Variants in PLXND1 observed in about 807,000 individuals in gnomAD.
PLXND1 encodes plexin-D1.
PLXND1 carries 54 observed loss-of-function variants against 197.7 expected under a neutral mutation model. The observed-to-expected ratio is 0.27, with a 90% CI of 0.22 to 0.34. The LOEUF (loss-of-function observed/expected upper bound fraction) is 0.34. Ranked by LOEUF, PLXND1 falls within the 10% of genes least tolerant of loss-of-function variation. The probability of loss-of-function intolerance (pLI) is 1.00; values close to 1 mark genes in which losing one functional copy is unlikely to be tolerated. For synonymous variants in PLXND1, 1,180 were observed against 1,161.2 expected, an observed-to-expected ratio of 1.02 and a Z score of -0.33; for missense variants, 2,127 against 2,699.2, an observed-to-expected ratio of 0.79 and a Z score of 4.70.
chr3:129,555,218 T>G lies in PLXND1; in HGVS notation c.*1094A>C. On this transcript the variant is annotated 3_prime_UTR_variant, in exon 36 of 36. Coordinates refer to ENST00000324093, the MANE Select transcript of PLXND1 (RefSeq NM_015103.3). Reference sequence around the variant, plus strand: ...GACAAAGGCTGGAGCCCACAGTAGGTTTGTCCGTAAGGCTTTTATTATAAA... The same window carrying G: ...GACAAAGGCTGGAGCCCACAGTAGGGTTGTCCGTAAGGCTTTTATTATAAA... 1 of 382,142 alleles carries G rather than the reference T, an allele frequency of 2.6e-6. No individual in the cohort carries two copies. Among genetic ancestry groups the G allele is most frequent in the Non-Finnish European group, 4.7e-6 (1 of 214,722 alleles). The allele number at this position is 382,142 out of a possible 1,614,324, so 23.7% of individuals were successfully genotyped here. A position where few individuals can be genotyped will look rare whatever the true frequency, so the allele number is the denominator to read the frequency against.
In PLXND1 at chr3:129,574,348, G is replaced by T; in HGVS notation, c.2673C>A (p.Pro891=). ...TGGGCATGCTTACCGCGTGGATCTC[G>T]GGGGCGGGGCAGGTGCCAGCCATGG... The part of the protein sequence containing the change: ...LQPMAGTCPA[P]EIHAIEPLSG... Residue 891 remains proline (P), a synonymous_variant, in exon 12 of 36, where the codon CCC becomes CCA. Coordinates refer to ENST00000324093, the MANE Select transcript of PLXND1 (RefSeq NM_015103.3). 1 of 1,604,294 alleles carries T rather than the reference G, an allele frequency of 6.2e-7. No homozygotes were observed. The highest frequency in any genetic ancestry group is 2.3e-5 in the East Asian group (1 of 44,424).
At chr3:129,556,771 C>T in intron 34 of PLXND1, 80 bp from the exon 35 acceptor site, 1 of 1,017,446 alleles carries the variant, frequency 9.8e-7, no homozygotes, top group Non-Finnish European at 1.5e-6. Context: ...GCTGCTTGCA[C>T]ACAATCCCCA....
intron 29 of PLXND1, 92 bp downstream of exon 29, chr3:129,561,554 C>CA: frequency 1.0e-6 from 1 of 986,676 alleles, no homozygotes; most frequent in Admixed American, 2.1e-5. Context: ...CCAGCCCTGC[C>CA]TCTCGGAGCC....
At position 129,558,542 on chromosome 3, in the gene PLXND1, C is replaced by T. The variant is rs1432599989; in HGVS notation, c.5331G>A (p.Lys1777=). The change falls in exon 33 of 36, where the codon AAG becomes AAA. Residue 1777 remains lysine (K), a synonymous_variant. Coordinates refer to ENST00000324093, the MANE Select transcript of PLXND1 (RefSeq NM_015103.3). The surrounding 1 kb of genome is among the most constrained non-coding windows in gnomAD (Gnocchi z 4.1). ...CGATGTCAAAGACAAACTGGGGGTT[C>T]TTCAGGATGTTCACCCAGAACCGGA... ...LPLRFWVNIL[K]NPQFVFDIDK... 7 of 1,613,982 alleles carry T rather than the reference C, an allele frequency of 4.3e-6. No homozygotes were observed. Among genetic ancestry groups the T allele is most frequent in the Non-Finnish European group, 5.9e-6 (7 of 1,179,998 alleles).
intron 7 of PLXND1, 52 bp downstream of exon 7, chr3:129,584,073 G>A: frequency 1.7e-6 from 2 of 1,201,618 alleles, no homozygotes; most frequent in Non-Finnish European, 2.4e-6. Context: ...ACCCTTCCCG[G>A]GGATGCGTTC....
At chr3:129,584,588 G>T (rs762027955) in intron 5 of PLXND1, 26 bp from the exon 6 acceptor site, 3 of 1,581,400 alleles carry the variant, frequency 1.9e-6, no homozygotes, top group Non-Finnish European at 2.6e-6. Context: ...CCTCAGCTCT[G>T]GGGGTCCAGG....
intron 20 of PLXND1, chr3:129,569,510 T>C (rs1172362231): frequency 1.5e-5 from 4 of 272,182 alleles, no homozygotes; most frequent in African/African-American, 8.5e-5. Context: ...ACCAGACATG[T>C]AGGTTAATTT....
At chr3:129,566,352 C>A (rs911411433) in intron 23 of PLXND1, among the ~76,000 whole-genome samples, 175 bp downstream of exon 23, 2 of 150,690 alleles carry the variant, frequency 1.3e-5, no homozygotes, top group African/African-American at 4.9e-5. Flanking sequence ...CTTATAATAC[C>A]CTGAATGGCT....
intron 3 of PLXND1, 89 bp downstream of exon 3, chr3:129,586,499 C>A: frequency 6.8e-7 from 1 of 1,464,728 alleles, no homozygotes; most frequent in South Asian, 1.2e-5. Flanking sequence ...GAGGGTGCTC[C>A]CAGCAGAGGA....
chr3:129,583,304 T>C (rs1030282015), intron 8 of PLXND1, among the ~76,000 whole-genome samples: 1 of 152,138 alleles, frequency 6.6e-6, no homozygotes, highest in African/African-American at 2.4e-5. Context: ...CAACAGGTCA[T>C]TTCTAAGAAG....
chr3:129,571,983 GC>G (rs927588128), intron 15 of PLXND1, 139 bp from the exon 16 acceptor site: 41 of 744,028 alleles, frequency 5.5e-5, no homozygotes, highest in African/African-American at 5.4e-4. Flanking sequence ...CTCATCTTCT[GC>G]CCAGTTAGTG....
rs2085801454 is a variant in PLXND1, at chr3:129,606,663, C to A, written c.-24G>T. The A allele has an allele frequency of 1.1e-5, 10 of 937,550 alleles. No homozygotes were observed. In the South Asian group the frequency reaches 3.3e-4, roughly 31 times the overall value. 58.1% of individuals were successfully genotyped at this position (937,550 alleles called of 1,614,324 possible). ...ATCCGGGCGTGCGCGGGCTGCGCGG[C>A]GCGGCGAGTGCATGGGGCGAGGCGC... On this transcript the variant is annotated 5_prime_UTR_variant, in exon 1 of 36. Transcript: ENST00000324093.
chr3:129,563,358 C>T (rs1325893263), intron 25 of PLXND1, 118 bp from the exon 26 acceptor site: 2 of 773,104 alleles, frequency 2.6e-6, no homozygotes, highest in Non-Finnish European at 4.0e-6. Context: ...CTTTTGGATC[C>T]TGGTGTCAAC....
chr3:129,588,733 G>A (rs1339205117), intron 2 of PLXND1, among the ~76,000 whole-genome samples: 1 of 152,268 alleles, frequency 6.6e-6, no homozygotes, highest in Non-Finnish European at 1.5e-5. Context: ...CAGGTCCAGG[G>A]CTGCACCTGG....
Position 129,570,752 on chromosome 3 carries a change from A to G in PLXND1, c.3750+34T>C, listed in dbSNP as rs374595661. Reference sequence around the variant, plus strand: ...TGGCAGATGGGCCAGGGGTGGGGCCAGGTCTGCCCTGCTCCGGCGCCCCAT... The same window carrying G: ...TGGCAGATGGGCCAGGGGTGGGGCCGGGTCTGCCCTGCTCCGGCGCCCCAT... On this transcript the variant is annotated intron_variant, in intron 19 of 35. Transcript: ENST00000324093. 186 of 1,607,998 alleles carry G rather than the reference A, an allele frequency of 1.2e-4. No homozygotes were observed. The African/African-American group carries it at 2.1e-3, about 19-fold the overall frequency.
intron 11 of PLXND1, 130 bp from the exon 12 acceptor site, chr3:129,574,620 T>C (rs570841329): frequency 2.1e-6 from 2 of 947,260 alleles, no homozygotes; most frequent in Middle Eastern, 2.2e-4. Flanking sequence ...CCAGAGGAAG[T>C]CCTGATTCTG....
At chr3:129,589,254 G>T in intron 2 of PLXND1, 97 bp downstream of exon 2, 1 of 802,864 alleles carries the variant, frequency 1.2e-6, no homozygotes, top group Non-Finnish European at 2.0e-6. Flanking sequence ...GGTCAGGCTG[G>T]ACCTGTAGCA....
chr3:129,574,331 C>A lies in PLXND1; in HGVS notation c.2685+5G>T. 1 of 1,591,308 alleles carries A rather than the reference C, an allele frequency of 6.3e-7. No individual in the cohort carries two copies. The highest frequency in any genetic ancestry group is 1.1e-5 in the South Asian group (1 of 88,150). ...GTGCCACGTGCCTCCACTGGGCATG[C>A]TTACCGCGTGGATCTCGGGGGCGGG... is the stretch of plus-strand genomic sequence containing the variant. On this transcript the variant is annotated splice_donor_5th_base_variant and intron_variant, in intron 12 of 35. Coordinates refer to ENST00000324093, the MANE Select transcript of PLXND1 (RefSeq NM_015103.3).
intron 1 of PLXND1, among the ~76,000 whole-genome samples, chr3:129,590,149 C>T (rs1309012014): frequency 6.6e-6 from 1 of 152,190 alleles, no homozygotes; most frequent in African/African-American, 2.4e-5. Flanking sequence ...CCCCAAGCAC[C>T]TATCCCCTCA....
Sources: gnomAD v4.1 joint callset for allele counts (sites outside exome capture counted in the v4.1 genomes callset) on GRCh38, gnomAD v4.1.1 for gene constraint, Gnocchi (gnomAD v3.1) non-coding constraint, MANE v1.5 for transcripts, NCBI Gene and HGNC (gene_info 2026-07-23, HGNC 2026-07-21) for gene names.